FBXW10: variants seen among roughly 807,000 people sequenced by gnomAD.
FBXW10 encodes F-box/WD repeat-containing protein 10.
Under a neutral mutation model 113.1 loss-of-function variants are expected in FBXW10, and 68 were observed. The ratio of observed to expected loss-of-function variants is 0.60; its 90% confidence interval spans 0.49 to 0.74. The LOEUF is 0.74. Ranked by LOEUF, FBXW10 falls within the 30% of genes least tolerant of loss-of-function variation. FBXW10 has a pLI of 0.00. For missense variants in FBXW10, 753 were observed against 1,284.5 expected (o/e 0.59, Z 6.32); for synonymous variants, 289 against 481.6 (o/e 0.60, Z 5.24).
chr17:18,744,102 A>G lies in FBXW10; in HGVS notation c.-143A>G. On this transcript the variant is annotated 5_prime_UTR_variant, in exon 1 of 14. Coordinates refer to ENST00000395665, the MANE Select transcript of FBXW10 (RefSeq NM_001267585.2). ...GAGAGATAGGCTTTCCATCCATGGCAGCCATTTACTTTTGCTCTGGGAGAC... is the reference window on the plus strand; with the variant it reads ...GAGAGATAGGCTTTCCATCCATGGCGGCCATTTACTTTTGCTCTGGGAGAC... 4 of 1,323,978 alleles carry G rather than the reference A, an allele frequency of 3.0e-6. No individual in the cohort carries two copies. The highest frequency in any genetic ancestry group is 3.1e-6 in the Non-Finnish European group (3 of 969,532). The allele number at this position is 1,323,978 out of a possible 1,614,324, so 82.0% of individuals were successfully genotyped here.
At chr17:18,767,855 G>A (rs1015367342) in intron 9 of FBXW10, among the ~76,000 whole-genome samples, 2 of 152,018 alleles carry the variant, frequency 1.3e-5, no homozygotes, top group African/African-American at 4.8e-5. Context: ...GTGATTTCTG[G>A]CCCTCTCTAG....
At position 18,778,670 on chromosome 17, in the gene FBXW10, T is replaced by C. The variant is rs2035747142; in HGVS notation, c.2531T>C (p.Val844Ala). ...PCRPQTEITD[V>A]WGPSISYPRK... ...AGGCCCCAAACAGAAATTACTGATG[T>C]CTGGGGACCTTCAATTTCATACCCA... Residue 844 changes from valine (V) to alanine (A), a missense_variant, in exon 14 of 14, where the codon GTC (valine) becomes GCC (alanine). Transcript: ENST00000395665. The C allele has an allele frequency of 6.2e-7, 1 of 1,613,716 alleles. No homozygotes were observed. The highest frequency in any genetic ancestry group is 8.5e-7 in the Non-Finnish European group (1 of 1,179,852).
intron 11 of FBXW10, among the ~76,000 whole-genome samples, chr17:18,770,913 G>C (rs936257006): frequency 2.0e-5 from 3 of 151,862 alleles, no homozygotes; most frequent in African/African-American, 7.3e-5. Context: ...GTAGACTCAG[G>C]GTGCTATTAT....
At chr17:18,763,475 C>T (rs571444422) in intron 7 of FBXW10, among the ~76,000 whole-genome samples, 1 of 152,034 alleles carries the variant, frequency 6.6e-6, no homozygotes, top group East Asian at 1.9e-4. Flanking sequence ...AATTATTATT[C>T]TCAGTTTACA....
intron 10 of FBXW10, among the ~76,000 whole-genome samples, chr17:18,768,934 ATTTTTTTTT>A (rs59007149): frequency 8.7e-6 from 1 of 114,392 alleles, no homozygotes; most frequent in South Asian, 2.9e-4. Context: ...GAAGTTATTG[ATTTTTTTTT>A]TTTTTTTTTT....
At chr17:18,777,054 T>A (rs2035713196) in intron 13 of FBXW10, among the ~76,000 whole-genome samples, 1 of 143,154 alleles carries the variant, frequency 7.0e-6, no homozygotes, top group Non-Finnish European at 1.5e-5. Flanking sequence ...ACATCTTGAT[T>A]TCACTCAGTT....
At chr17:18,767,151 T>A (rs1406353170) in intron 9 of FBXW10, among the ~76,000 whole-genome samples, 1 of 151,470 alleles carries the variant, frequency 6.6e-6, no homozygotes, top group Admixed American at 6.6e-5. Context: ...GCAGTGGAGG[T>A]GAAGTACCTT....
chr17:18,769,416 GGAAA>G (rs2035565165), intron 10 of FBXW10: 1 of 152,852 alleles, frequency 6.5e-6, no homozygotes, highest in East Asian at 1.9e-4. Flanking sequence ...CTAATTGCGG[GGAAA>G]GTAGCTGCAG....
intron 1 of FBXW10, chr17:18,745,000 C>G: frequency 2.9e-6 from 4 of 1,388,498 alleles, no homozygotes; most frequent in Non-Finnish European, 3.7e-6. Context: ...AACTCACAAG[C>G]ATTTATCATG....
intron 1 of FBXW10, 158 bp downstream of exon 1, chr17:18,744,907 C>G: frequency 6.8e-7 from 1 of 1,461,946 alleles, no homozygotes; most frequent in South Asian, 1.5e-5. Context: ...TCCTGACACC[C>G]GATCCTGTTT....
At chr17:18,769,695 T>C (rs1041035438) in intron 10 of FBXW10, 2 of 495,638 alleles carry the variant, frequency 4.0e-6, no homozygotes, top group African/African-American at 2.0e-5. Flanking sequence ...GAGAATCGCT[T>C]GTATCTGGTA....
chr17:18,758,770 T>C (rs1420479567), intron 7 of FBXW10, among the ~76,000 whole-genome samples: 1 of 150,136 alleles, frequency 6.7e-6, no homozygotes, highest in Non-Finnish European at 1.5e-5. Context: ...TTTATTAGCA[T>C]TCTTAGAGGA....
chr17:18,773,365 CTATT>C (rs2035651060), intron 12 of FBXW10, among the ~76,000 whole-genome samples: 1 of 152,106 alleles, frequency 6.6e-6, no homozygotes, highest in Non-Finnish European at 1.5e-5. Flanking sequence ...TATTACATAA[CTATT>C]TCTTCAAGAC....
At chr17:18,761,046 A>G (rs2035371876) in intron 7 of FBXW10, among the ~76,000 whole-genome samples, 1 of 152,194 alleles carries the variant, frequency 6.6e-6, no homozygotes, top group African/African-American at 2.4e-5. Context: ...AGCAACTACT[A>G]TATAACCTGC....
At chr17:18,745,124 A>G (rs1416163639) in intron 1 of FBXW10, 2 of 1,094,892 alleles carry the variant, frequency 1.8e-6, no homozygotes, top group Admixed American at 9.6e-5. Flanking sequence ...GTAAAGGGGA[A>G]GCTTTTGTTT....
At chr17:18,771,961 G>A (rs1487975148) in intron 11 of FBXW10, among the ~76,000 whole-genome samples, 1 of 152,062 alleles carries the variant, frequency 6.6e-6, no homozygotes, top group Non-Finnish European at 1.5e-5. Flanking sequence ...CACAAAATGA[G>A]CTGGGCGTGG....
chr17:18,748,467 G>GACCC (rs1449976995), intron 2 of FBXW10, among the ~76,000 whole-genome samples: 2 of 146,990 alleles, frequency 1.4e-5, no homozygotes, highest in African/African-American at 5.0e-5. Context: ...AGATTGGGAA[G>GACCC]ACCCAGTGGA....
intron 7 of FBXW10, among the ~76,000 whole-genome samples, chr17:18,762,408 C>G (rs1458587183): frequency 6.6e-6 from 1 of 150,448 alleles, no homozygotes; most frequent in Non-Finnish European, 1.5e-5. Flanking sequence ...ACCTCCGACT[C>G]CCTGATTCAA....
At chr17:18,764,950 C>T (rs1231310185) in intron 8 of FBXW10, 87 bp downstream of exon 8, 5 of 1,611,642 alleles carry the variant, frequency 3.1e-6, no homozygotes, top group Admixed American at 1.7e-5. Flanking sequence ...TTTCTATAGG[C>T]AGGCAGTCAT....
Sources: allele counts gnomAD v4.1 joint callset (sites outside exome capture counted in the v4.1 genomes callset), GRCh38; gene constraint gnomAD v4.1.1; transcripts MANE v1.5; gene names NCBI Gene and HGNC (gene_info 2026-07-23, HGNC 2026-07-21).